Variants in CRTC3 observed in about 807,000 individuals in gnomAD.
CRTC3 encodes CREB-regulated transcription coactivator 3.
CRTC3 carries 26 observed loss-of-function variants against 74.5 expected under a neutral mutation model. That is an observed-to-expected ratio of 0.35 (90% CI 0.26 to 0.48). CRTC3 has a LOEUF of 0.48. Ranked by LOEUF, CRTC3 falls within the 20% of genes least tolerant of loss-of-function variation. The pLI is 0.99. For synonymous variants in CRTC3, 377 were observed against 325.8 expected (o/e 1.16, Z -1.69); for missense variants, 760 against 787.3 (o/e 0.97, Z 0.41).
intron 1 of CRTC3, among the ~76,000 whole-genome samples, chr15:90,539,411 C>G (rs1384236480): frequency 1.5e-5 from 1 of 67,816 alleles, no homozygotes. Flanking sequence ...AAACTTTTCT[C>G]ATATGTATAT....
chr15:90,634,478 A>C (rs1210813730), intron 11 of CRTC3, among the ~76,000 whole-genome samples: 1 of 152,198 alleles, frequency 6.6e-6, no homozygotes, highest in Admixed American at 6.5e-5. Flanking sequence ...TATCTCTAAT[A>C]GATAAGGATT....
intron 2 of CRTC3, among the ~76,000 whole-genome samples, chr15:90,589,096 ACC>A (rs1967737121): frequency 6.6e-6 from 1 of 151,976 alleles, no homozygotes; most frequent in Non-Finnish European, 1.5e-5. Context: ...TTACTCTGTC[ACC>A]CAGGCTGGAG....
chr15:90,615,231 C>T lies in CRTC3; in HGVS notation c.613+743C>T, dbSNP rs1412092163. 6.6e-5 allele frequency among the ~76,000 whole-genome samples: 10 copies of T among 152,192 alleles called. No individual in the cohort carries two copies. The South Asian group carries it at 1.5e-3, about 22-fold the overall frequency. ...AAACCTTACATAAGATACTGAGTTTCGTAAAGCCAATTAAAACATTGTTGG... is the reference window on the plus strand; with the variant it reads ...AAACCTTACATAAGATACTGAGTTTTGTAAAGCCAATTAAAACATTGTTGG... On this transcript the variant is annotated intron_variant, in intron 7 of 14. Coordinates refer to ENST00000268184, the MANE Select transcript of CRTC3 (RefSeq NM_022769.5).
chr15:90,625,671 T>C, intron 9 of CRTC3, 105 bp from the exon 10 acceptor site: 3 of 1,031,846 alleles, frequency 2.9e-6, no homozygotes, highest in African/African-American at 1.6e-5. Flanking sequence ...CCTCGGTCTT[T>C]TGTAGCCACT....
intron 9 of CRTC3, 143 bp from the exon 10 acceptor site, chr15:90,625,633 T>C (rs1968805972): frequency 2.8e-6 from 2 of 718,462 alleles, no homozygotes; most frequent in Middle Eastern, 8.0e-4. Context: ...GCACCAGTGT[T>C]CTCAGAATCA....
rs747217102 is a variant in CRTC3, at chr15:90,629,423, G to A, written c.1157G>A (p.Arg386Gln). Residue 386 changes from arginine to glutamine, a missense_variant, in exon 11 of 15, where the codon CGG becomes CAG. Arg to Gln is a conservative substitution (Grantham distance 43). Around this residue, in one of 2 missense-constraint regions of CRTC3, gnomAD observed 652 missense variants for 635.2 expected, o/e 1.03. Coordinates refer to ENST00000268184, the MANE Select transcript of CRTC3 (RefSeq NM_022769.5). ...TTNLSGPSRR[R>Q]QPPVSPLTLS... is the part of the protein sequence containing the mutation. ...AACCTGAGCGGCCCGTCTCGGCGTCGGCAGCCTCCCGTCAGCCCTCTCACG... is the reference window on the plus strand; with the variant it reads ...AACCTGAGCGGCCCGTCTCGGCGTCAGCAGCCTCCCGTCAGCCCTCTCACG... 6 of 1,613,822 alleles carry A rather than the reference G, an allele frequency of 3.7e-6. No homozygotes were observed. In the Admixed American group the frequency reaches 5.0e-5, roughly 13 times the overall value.
At chr15:90,553,937 T>C (rs1966869539) in intron 2 of CRTC3, among the ~76,000 whole-genome samples, 2 of 152,234 alleles carry the variant, frequency 1.3e-5, no homozygotes, top group African/African-American at 4.8e-5. Context: ...TAAAATATTA[T>C]GGCAGAAGCT....
chr15:90,562,011 G>A (rs1967021844), intron 2 of CRTC3, among the ~76,000 whole-genome samples: 1 of 152,194 alleles, frequency 6.6e-6, no homozygotes, highest in African/African-American at 2.4e-5. Flanking sequence ...GGAACTCCCT[G>A]GCTATAAGCA....
chr15:90,564,323 C>G (rs572087477), intron 2 of CRTC3, among the ~76,000 whole-genome samples: 2 of 152,242 alleles, frequency 1.3e-5, no homozygotes, highest in Admixed American at 1.3e-4. Context: ...AAAAAGAAAC[C>G]ATTTCCTGAT....
chr15:90,641,042 T>A (rs1969420609), intron 13 of CRTC3, 55 bp from the exon 14 acceptor site: 4 of 1,166,162 alleles, frequency 3.4e-6, no homozygotes, highest in Non-Finnish European at 5.2e-6. Flanking sequence ...CAATACTCAC[T>A]TCCTCCTTGG....
In CRTC3 at chr15:90,643,157, C is replaced by T. The variant is rs528974264; in HGVS notation, c.*1017C>T. 1.9e-4 allele frequency: 45 copies of T among 232,286 alleles called. No individual in the cohort carries two copies. Among genetic ancestry groups the T allele is most frequent in the Non-Finnish European group, 2.7e-4 (32 of 117,484 alleles). 14.4% of individuals were successfully genotyped at this position (232,286 alleles called of 1,614,324 possible). ...ATTGTTGAACCCGTAGCACCTAACA[C>T]GTGCGTGGCAGCACAGTCGTGTGCT... On this transcript the variant is annotated 3_prime_UTR_variant, in exon 15 of 15. Coordinates refer to ENST00000268184, the MANE Select transcript of CRTC3 (RefSeq NM_022769.5).
At chr15:90,611,315 C>T (rs1208637898) in intron 6 of CRTC3, among the ~76,000 whole-genome samples, 14 of 152,170 alleles carry the variant, frequency 9.2e-5, no homozygotes, top group Non-Finnish European at 4.4e-5. Context: ...AACATGGTCT[C>T]GGTTCCCTTA....
chr15:90,581,794 T>G (rs1967547051), intron 2 of CRTC3, among the ~76,000 whole-genome samples: 1 of 152,170 alleles, frequency 6.6e-6, no homozygotes. Flanking sequence ...CAGTGAAGTG[T>G]CCTACCAAGT....
chr15:90,644,622 TA>T lies in CRTC3; in HGVS notation c.*2483del, dbSNP rs1434566908. The T allele has an allele frequency of 4.3e-6, 1 of 232,068 alleles. No homozygotes were observed. The highest frequency in any genetic ancestry group is 8.5e-6 in the Non-Finnish European group (1 of 117,420). The allele number at this position is 232,068 out of a possible 1,614,324, so 14.4% of individuals were successfully genotyped here. A position where few individuals can be genotyped will look rare whatever the true frequency, so the allele number is the denominator to read the frequency against. ...TTTAGCACTGAATTCAATTTGTCCT[TA>T]GGTCTATGAGTGAGTCCGATCTTTT... On this transcript the variant is annotated 3_prime_UTR_variant, in exon 15 of 15. Transcript: ENST00000268184.
Position 90,642,931 on chromosome 15 carries a change from C to T in CRTC3, c.*791C>T. 4.3e-6 allele frequency: 1 copy of T among 233,160 alleles called. No homozygotes were observed. Among genetic ancestry groups the T allele is most frequent in the Non-Finnish European group, 8.5e-6 (1 of 118,056 alleles). The allele number at this position is 233,160 out of a possible 1,614,324, so 14.4% of individuals were successfully genotyped here. ...AGACAGGGACTGCAGGTGTCTCATA[C>T]TCAGTGGCCTCCAGACAAACTCCAG... On this transcript the variant is annotated 3_prime_UTR_variant, in exon 15 of 15. Transcript: ENST00000268184.
chr15:90,618,444 A>T (rs1291259523), intron 8 of CRTC3, among the ~76,000 whole-genome samples: 1 of 152,174 alleles, frequency 6.6e-6, no homozygotes, highest in Non-Finnish European at 1.5e-5. Flanking sequence ...TATGATTTCC[A>T]TGCGCCTTTG....
chr15:90,624,312 T>G (rs1968752667), intron 9 of CRTC3, among the ~76,000 whole-genome samples: 1 of 151,900 alleles, frequency 6.6e-6, no homozygotes, highest in African/African-American at 2.4e-5. Context: ...TCTCCCTGCC[T>G]CTCCTTCTGC....
Position 90,612,070 on chromosome 15 carries a change from T to TCCTCCTCCTCCG in CRTC3, c.578-2366_578-2355dup, listed in dbSNP as rs1481635430. Among the ~76,000 whole-genome samples, 483 of 62,542 alleles carry TCCTCCTCCTCCG rather than the reference T, an allele frequency of 7.7e-3. 3 individuals are homozygous for TCCTCCTCCTCCG. The highest frequency in any genetic ancestry group is 0.027 in the African/African-American group (437 of 16,478). The allele number at this position is 62,542 out of a possible 152,430, so 41.0% of individuals were successfully genotyped here. ...CTCCTCCTCCTCCGCCTCCACCTCC[T>TCCTCCTCCTCCG]CCTCCTCCTCCGCCTCCTCCTCCGC... On this transcript the variant is annotated intron_variant, in intron 6 of 14. Transcript: ENST00000268184.
In CRTC3 at chr15:90,611,086, C is replaced by T. The variant is rs568383610; in HGVS notation, c.578-3367C>T. ...AAGCCTGTTAATTGCATGGATTGGG[C>T]GGGGGTACAGTGGCAGGTACAAGCA... On this transcript the variant is annotated intron_variant, in intron 6 of 14. Transcript: ENST00000268184. Among the ~76,000 whole-genome samples the T allele has an allele frequency of 3.3e-5, 5 of 152,042 alleles. No homozygotes were observed. The South Asian group carries it at 8.3e-4, about 25-fold the overall frequency.
Sources: gnomAD v4.1 joint callset for allele counts (sites outside exome capture counted in the v4.1 genomes callset) on GRCh38, gnomAD v4.1.1 for gene constraint, gnomAD v4.1.1 regional missense constraint, MANE v1.5 for transcripts, NCBI Gene and HGNC (gene_info 2026-07-23, HGNC 2026-07-21) for gene names.